The following ANK3 variants were observed in gnomAD, a reference collection of about 807,000 sequenced individuals.
The protein encoded by ANK3 is ankyrin 3.
In ANK3, 57 loss-of-function variants were observed where a neutral mutation model predicts 370.9. The observed-to-expected ratio is 0.15, with a 90% CI of 0.12 to 0.19. ANK3 has a LOEUF of 0.19. Ranked by LOEUF, ANK3 falls within the 10% of genes least tolerant of loss-of-function variation. The pLI is 1.00. For missense variants in ANK3, 4,439 were observed against 5,302.1 expected (o/e 0.84, Z 5.06); for synonymous variants, 1,929 against 1,946.3 (o/e 0.99, Z 0.23).
intron 1 of ANK3, among the ~76,000 whole-genome samples, chr10:60,698,937 A>G (rs1334722053): frequency 6.6e-6 from 1 of 151,076 alleles, no homozygotes; most frequent in African/African-American, 2.4e-5. Flanking sequence ...AAATAAATAA[A>G]TAAATAAAAC....
rs74153180 is a variant in ANK3 at position 60,065,722 on chromosome 10, A to T, written c.12320-1434T>A. Among the ~76,000 whole-genome samples, 676 of 152,312 alleles carry T rather than the reference A, an allele frequency of 4.4e-3. 3 individuals carry two copies. Among genetic ancestry groups the T allele is most frequent in the African/African-American group, 0.015 (635 of 41,572 alleles). ...ATGGTGTTTACATAAATAAAATCAG[A>T]TCTCCCCGGAACAGAATTTAGCCTT... On this transcript the variant is annotated intron_variant, in intron 38 of 43. Transcript: ENST00000280772.
At chr10:60,368,111 A>T (rs540260861) in intron 1 of ANK3, among the ~76,000 whole-genome samples, 1 of 152,292 alleles carries the variant, frequency 6.6e-6, no homozygotes, top group African/African-American at 2.4e-5. Context: ...ATCTCACTGC[A>T]TTGTTCAGTT....
intron 1 of ANK3, among the ~76,000 whole-genome samples, chr10:60,684,161 C>T (rs1231157662): frequency 2.0e-5 from 3 of 152,092 alleles, no homozygotes. Context: ...TAATAATTAT[C>T]TTGGAAGGGA....
At chr10:60,495,614 A>T (rs1345287698) in intron 2 of ANK3, among the ~76,000 whole-genome samples, 1 of 152,210 alleles carries the variant, frequency 6.6e-6, no homozygotes, top group African/African-American at 2.4e-5. Context: ...AGGACAAAAC[A>T]ATGTTATGAG....
At chr10:60,154,640 C>T (rs1034249014) in intron 23 of ANK3, among the ~76,000 whole-genome samples, 2 of 152,088 alleles carry the variant, frequency 1.3e-5, no homozygotes, top group Admixed American at 6.5e-5. Context: ...CTAAAAAATA[C>T]AAAAATTAGC....
chr10:60,092,776 G>C (rs1331027905), intron 28 of ANK3, among the ~76,000 whole-genome samples: 2 of 152,142 alleles, frequency 1.3e-5, no homozygotes, highest in Non-Finnish European at 2.9e-5. Context: ...CACTCTGTTG[G>C]CTAGGCTGGA....
chr10:60,357,858 G>A (rs554178130), intron 1 of ANK3, among the ~76,000 whole-genome samples: 1 of 152,072 alleles, frequency 6.6e-6, no homozygotes, highest in South Asian at 2.1e-4. Context: ...TCTGTTCCAG[G>A]CACCCTACTC....
At chr10:60,186,934 T>TCA (rs1464432935) in intron 16 of ANK3, 22 bp from the exon 17 acceptor site, 1 of 1,611,244 alleles carries the variant, frequency 6.2e-7, no homozygotes, top group South Asian at 1.1e-5. Flanking sequence ...AATCACTTGG[T>TCA]CACATGCCCA....
chr10:60,324,980 C>T (rs965917001), intron 1 of ANK3, among the ~76,000 whole-genome samples: 11 of 152,172 alleles, frequency 7.2e-5, no homozygotes, highest in Admixed American at 3.3e-4. Context: ...TAGGCTGCTC[C>T]CTAAAATTAT....
intron 42 of ANK3, among the ~76,000 whole-genome samples, chr10:60,055,190 G>C (rs938996708): frequency 6.6e-6 from 1 of 152,098 alleles, no homozygotes; most frequent in African/African-American, 2.4e-5. Flanking sequence ...CACGCTTTCA[G>C]ACAACAGACC....
intron 1 of ANK3, among the ~76,000 whole-genome samples, chr10:60,363,587 T>C (rs750962397): frequency 1.2e-4 from 18 of 152,214 alleles, no homozygotes; most frequent in Non-Finnish European, 2.4e-4. Flanking sequence ...TGGCTAAGTG[T>C]ACAGGGCAAC....
At chr10:60,545,461 C>A (rs2076942612) in intron 2 of ANK3, among the ~76,000 whole-genome samples, 2 of 149,780 alleles carry the variant, frequency 1.3e-5, no homozygotes, top group South Asian at 4.3e-4. Flanking sequence ...AATAGTTCTA[C>A]AAATACTTCA....
chr10:60,067,420 T>G (rs191011006), intron 38 of ANK3, among the ~76,000 whole-genome samples: 33 of 152,230 alleles, frequency 2.2e-4, no homozygotes, highest in African/African-American at 7.7e-4. Flanking sequence ...TAAAGAAGAG[T>G]ATCAGATAAA....
chr10:60,299,625 G>A (rs2043262775), intron 1 of ANK3, among the ~76,000 whole-genome samples: 1 of 152,046 alleles, frequency 6.6e-6, no homozygotes, highest in Admixed American at 6.6e-5. Flanking sequence ...CATAGCATTA[G>A]GTGAATCCCT....
intron 1 of ANK3, among the ~76,000 whole-genome samples, chr10:60,645,148 T>A (rs1183419255): frequency 6.6e-6 from 1 of 152,150 alleles, no homozygotes; most frequent in African/African-American, 2.4e-5. Flanking sequence ...TAATGAGATT[T>A]TTTTGATGCC....
intron 2 of ANK3, among the ~76,000 whole-genome samples, chr10:60,441,345 T>G (rs2064294874): frequency 6.6e-6 from 1 of 152,128 alleles, no homozygotes; most frequent in Admixed American, 6.5e-5. Context: ...CTAATACACT[T>G]TCTAAAAAAT....
intron 1 of ANK3, among the ~76,000 whole-genome samples, chr10:60,660,652 A>G (rs2078923978): frequency 6.6e-6 from 1 of 152,078 alleles, no homozygotes; most frequent in Non-Finnish European, 1.5e-5. Flanking sequence ...AATGCGATGG[A>G]ATAGGGAAAA....
At chr10:60,031,204 AT>A (rs2073441158) in intron 43 of ANK3, among the ~76,000 whole-genome samples, 1 of 152,200 alleles carries the variant, frequency 6.6e-6, no homozygotes, top group Admixed American at 6.5e-5. Flanking sequence ...CCAAATTAAA[AT>A]TAGAGACAAA....
At chr10:60,399,602 G>T (rs1594953802) in intron 2 of ANK3, among the ~76,000 whole-genome samples, 1 of 152,124 alleles carries the variant, frequency 6.6e-6, no homozygotes, top group South Asian at 2.1e-4. Context: ...GTAACAAGCT[G>T]CCTGAACAAC....
Sources: gnomAD v4.1 joint callset for allele counts (sites outside exome capture counted in the v4.1 genomes callset) on GRCh38, gnomAD v4.1.1 for gene constraint, MANE v1.5 for transcripts, NCBI Gene and HGNC (gene_info 2026-07-23, HGNC 2026-07-21) for gene names.